IL2RB: variants seen among roughly 807,000 people sequenced by gnomAD.
IL2RB encodes the protein interleukin 2 receptor subunit beta.
In IL2RB, 17 loss-of-function variants were observed where a neutral mutation model predicts 44.2. The observed-to-expected ratio is 0.38, with a 90% CI of 0.26 to 0.58. The LOEUF (loss-of-function observed/expected upper bound fraction) is 0.58. Ranked by LOEUF, IL2RB falls within the 20% of genes least tolerant of loss-of-function variation. IL2RB has a pLI of 0.63. For synonymous variants in IL2RB, 286 were observed against 297.9 expected (o/e 0.96, Z 0.41); for missense variants, 624 against 685.5 (o/e 0.91, Z 1.00).
chr22:37,133,534 G>C (rs1921533302), intron 8 of IL2RB, among the ~76,000 whole-genome samples: 1 of 152,216 alleles, frequency 6.6e-6, no homozygotes. Flanking sequence ...GGAAAGTCGA[G>C]TGAGGTGACA....
At chr22:37,146,624 G>T (rs950265941) in intron 1 of IL2RB, among the ~76,000 whole-genome samples, 4 of 152,188 alleles carry the variant, frequency 2.6e-5, no homozygotes, top group African/African-American at 9.7e-5. Flanking sequence ...TTTCCGTGAT[G>T]GAGGGCGAGG....
intron 1 of IL2RB, among the ~76,000 whole-genome samples, chr22:37,171,131 G>A (rs1010753088): frequency 5.9e-5 from 9 of 152,044 alleles, no homozygotes; most frequent in Non-Finnish European, 1.5e-5. Flanking sequence ...CTACAGGCGC[G>A]GCCACCATGC....
chr22:37,131,004 TA>T (rs1391239049), intron 9 of IL2RB, among the ~76,000 whole-genome samples: 1 of 152,118 alleles, frequency 6.6e-6, no homozygotes, highest in African/African-American at 2.4e-5. Flanking sequence ...CCGTCTCTAT[TA>T]AAAGTACAAG....
chr22:37,173,730 T>A (rs542399936), intron 1 of IL2RB, among the ~76,000 whole-genome samples: 39 of 152,154 alleles, frequency 2.6e-4, no homozygotes, highest in African/African-American at 8.9e-4. Flanking sequence ...GCCTCAGCAT[T>A]AACCACACAC....
intron 8 of IL2RB, among the ~76,000 whole-genome samples, chr22:37,134,562 C>A (rs548257584): frequency 6.6e-6 from 1 of 152,038 alleles, no homozygotes; most frequent in Admixed American, 6.5e-5. Context: ...GTCGAGATTG[C>A]GCCACTGTAC....
At chr22:37,155,124 G>T (rs1922633580) in intron 1 of IL2RB, among the ~76,000 whole-genome samples, 1 of 152,152 alleles carries the variant, frequency 6.6e-6, no homozygotes, top group Non-Finnish European at 1.5e-5. Context: ...AGGTGAGGAG[G>T]GGTGAGACAG....
chr22:37,169,349 C>A (rs2145742707), intron 1 of IL2RB, among the ~76,000 whole-genome samples: 1 of 151,718 alleles, frequency 6.6e-6, no homozygotes, highest in Non-Finnish European at 1.5e-5. Flanking sequence ...CAGAGGGGTT[C>A]TTGCTTACAC....
intron 8 of IL2RB, among the ~76,000 whole-genome samples, 191 bp from the exon 9 acceptor site, chr22:37,132,659 C>A (rs1921493414): frequency 1.3e-5 from 2 of 152,224 alleles, no homozygotes; most frequent in African/African-American, 4.8e-5. Flanking sequence ...GAATGGCCAA[C>A]AAAGGAGGTC....
In IL2RB at chr22:37,128,413, C is replaced by T. The variant is rs767514858; in HGVS notation, c.1339G>A (p.Gly447Ser). The T allele has an allele frequency of 6.6e-6, 10 of 1,519,372 alleles. No individual in the cohort carries two copies. Among genetic ancestry groups the T allele is most frequent in the South Asian group, 1.3e-5 (1 of 75,714 alleles). 94.1% of individuals were successfully genotyped at this position (1,519,372 alleles called of 1,614,324 possible). Residue 447 changes from glycine (G) to serine (S), a missense_variant, in exon 10 of 10, where the codon GGC becomes AGC. By Grantham distance (56) the Gly-to-Ser change is moderately conservative (BLOSUM62 0). Coordinates refer to ENST00000216223, the MANE Select transcript of IL2RB (RefSeq NM_000878.5). This position sits in a 1 kb window ranked among gnomAD's most constrained non-coding sequence, Gnocchi z 4.5. ...ATCCTCTCTTCACCGGCCCCACTGCCCCCAGGGGCAGTGCTTGGGGGGCTG... is the reference window on the plus strand; with the variant it reads ...ATCCTCTCTTCACCGGCCCCACTGCTCCCAGGGGCAGTGCTTGGGGGGCTG... ...GPSPPSTAPG[G>S]SGAGEERMPP... is the part of the protein sequence containing the mutation.
At chr22:37,171,868 A>G (rs1039495940) in intron 1 of IL2RB, among the ~76,000 whole-genome samples, 4 of 152,126 alleles carry the variant, frequency 2.6e-5, no homozygotes, top group African/African-American at 9.7e-5. Context: ...TCAAGACCCA[A>G]ACACATATGG....
At chr22:37,138,417 G>GA (rs1921809553) in intron 5 of IL2RB, among the ~76,000 whole-genome samples, 1 of 152,164 alleles carries the variant, frequency 6.6e-6, no homozygotes, top group Non-Finnish European at 1.5e-5. Context: ...AGAAAGTTTC[G>GA]ATGGTCTGCC....
intron 2 of IL2RB, among the ~76,000 whole-genome samples, chr22:37,143,883 G>A (rs1265819428): frequency 4.3e-5 from 5 of 115,340 alleles, no homozygotes; most frequent in Non-Finnish European, 8.6e-5. Flanking sequence ...GCTTGGAGAG[G>A]CGTGTGTGTG....
chr22:37,127,980 T>C lies in IL2RB; in HGVS notation c.*116A>G. ...GGTGGGGGCCATCCGGGTGGAGAAG[T>C]CCAGCTGCAACTGGACACTGAGTGT... On this transcript the variant is annotated 3_prime_UTR_variant, in exon 10 of 10. Coordinates refer to ENST00000216223, the MANE Select transcript of IL2RB (RefSeq NM_000878.5). The C allele has an allele frequency of 1.2e-6, 1 of 850,678 alleles. No homozygotes were observed. The highest frequency in any genetic ancestry group is 1.8e-5 in the African/African-American group (1 of 56,088). The allele number at this position is 850,678 out of a possible 1,614,324, so 52.7% of individuals were successfully genotyped here.
chr22:37,148,336 A>G (rs1302753975), intron 1 of IL2RB, among the ~76,000 whole-genome samples: 3 of 152,062 alleles, frequency 2.0e-5, no homozygotes, highest in African/African-American at 4.8e-5. Context: ...AGGCCAAGGA[A>G]CCCACTTAAG....
upstream of IL2RB, among the ~76,000 whole-genome samples, chr22:37,154,575 CTT>C (rs57147928): frequency 7.1e-6 from 1 of 141,570 alleles, no homozygotes. Context: ...CTTTTTTTTT[CTT>C]TTTTTTTTTT....
At chr22:37,130,965 A>G (rs1424825857) in intron 9 of IL2RB, among the ~76,000 whole-genome samples, 5 of 152,306 alleles carry the variant, frequency 3.3e-5, no homozygotes, top group African/African-American at 9.6e-5. Flanking sequence ...TCAGGAGTTC[A>G]AGACCAGCCT....
chr22:37,138,936 C>A (rs3218288), intron 5 of IL2RB, 181 bp downstream of exon 5: 2 of 571,372 alleles, frequency 3.5e-6, no homozygotes, highest in Non-Finnish European at 3.2e-6. Flanking sequence ...GGATCCTGAG[C>A]GGCCTTGAAT....
upstream of IL2RB, among the ~76,000 whole-genome samples, chr22:37,154,191 G>A (rs1922591419): frequency 6.6e-6 from 1 of 152,168 alleles, no homozygotes; most frequent in South Asian, 2.1e-4. Flanking sequence ...CCCACATACA[G>A]AGTCTCCCAC....
intron 3 of IL2RB, 199 bp from the exon 4 acceptor site, chr22:37,142,711 G>T: frequency 1.4e-6 from 1 of 711,286 alleles, no homozygotes; most frequent in Non-Finnish European, 2.6e-6. Flanking sequence ...ACCTTGTCCT[G>T]CTCCCTCATC....
Sources: gnomAD v4.1 joint callset for allele counts (sites outside exome capture counted in the v4.1 genomes callset) on GRCh38, gnomAD v4.1.1 for gene constraint, Gnocchi (gnomAD v3.1) non-coding constraint, MANE v1.5 for transcripts, NCBI Gene and HGNC (gene_info 2026-07-23, HGNC 2026-07-21) for gene names.